Variants in SCRIB observed in about 807,000 individuals in gnomAD.
SCRIB encodes the protein protein scribble homolog.
Under a neutral mutation model 170.0 loss-of-function variants are expected in SCRIB, and 72 were observed. That is an observed-to-expected ratio of 0.42 (90% confidence interval 0.35 to 0.52). SCRIB has a LOEUF of 0.52. Among genes scored for constraint, SCRIB ranks in the 20% least tolerant of loss-of-function variants. The pLI, the probability that SCRIB is intolerant of heterozygous loss-of-function variation, is 0.02. For synonymous variants in SCRIB, 1,298 were observed against 1,044.3 expected (o/e 1.24, Z -4.68); for missense variants, 2,475 against 2,338.5 (o/e 1.06, Z -1.20).
At chr8:143,806,351 C>T in intron 18 of SCRIB, 56 bp downstream of exon 18, 1 of 1,371,558 alleles carries the variant, frequency 7.3e-7, no homozygotes. Context: ...ATACCAGGGA[C>T]CATGTACCTC....
chr8:143,803,783 G>A lies in SCRIB; in HGVS notation c.3278C>T (p.Pro1093Leu), dbSNP rs782745606. Residue 1093 changes from proline (P) to leucine (L), a missense_variant, in exon 23 of 37, where the codon CCG (proline) becomes CTG (leucine). Physicochemically the swap from Pro to Leu is moderately conservative, Grantham distance 98. This residue lies in a region of SCRIB where 1,966 missense variants were observed against 1,742.9 expected (regional missense o/e 1.13). Transcript: ENST00000356994. ...LELSLLVRRD[P>L]APPGLRELCI... is the part of the protein sequence containing the mutation. ...CAGTTCCCGTAGGCCCGGGGGTGCCGGGTCCCTCCGCACCAGCAGCGACAG... is the reference window on the plus strand; with the variant it reads ...CAGTTCCCGTAGGCCCGGGGGTGCCAGGTCCCTCCGCACCAGCAGCGACAG... The A allele has an allele frequency of 1.1e-5, 18 of 1,602,376 alleles. No individual in the cohort carries two copies. The highest frequency in any genetic ancestry group is 8.4e-5 in the Admixed American group (5 of 59,880).
At position 143,804,991 on chromosome 8, in the gene SCRIB, G is replaced by C. The variant is rs782361081; in HGVS notation, c.2694C>G (p.Ala898=). Residue 898 remains alanine, a synonymous_variant, in exon 20 of 37, where the codon GCC becomes GCG. Transcript: ENST00000356994. ...GDAGIFVSRI[A]EGGAAHRAGT... is the part of the protein sequence containing the mutation. The stretch of plus-strand genomic sequence containing the variant: ...CCGCGCGGTGAGCAGCACCGCCCTC[G>C]GCAATGCGGGAGACGAAGATGCCCT... The C allele has an allele frequency of 5.7e-6, 9 of 1,585,942 alleles. No homozygotes were observed. Among genetic ancestry groups the C allele is most frequent in the Non-Finnish European group, 7.7e-6 (9 of 1,170,076 alleles).
chr8:143,795,243 C>A, intron 26 of SCRIB, 34 bp downstream of exon 26: 1 of 1,611,772 alleles, frequency 6.2e-7, no homozygotes, highest in Non-Finnish European at 8.5e-7. Flanking sequence ...CGCTCCAGTG[C>A]CCTGATGTGA....
Position 143,810,917 on chromosome 8 carries a change from G to C in SCRIB, c.1262C>G (p.Pro421Arg). ...LTCYLLPQQP[P>R]PSLEDAGQQG... ...TGCCAACAACCTACCGAGGCTGGGT[G>C]GGGGCTGCTGGGGCAGCAAGTAGCA... The change falls in exon 11 of 37, where the codon CCA (proline) becomes CGA (arginine). Residue 421 changes from proline to arginine, a missense_variant. Around this residue, in one of 3 missense-constraint regions of SCRIB, gnomAD observed 1,966 missense variants for 1,742.9 expected, o/e 1.13. Coordinates refer to ENST00000356994, the MANE Select transcript of SCRIB (RefSeq NM_182706.5). 1.2e-6 allele frequency: 2 copies of C among 1,611,510 alleles called. No individual in the cohort carries two copies. The highest frequency in any genetic ancestry group is 1.3e-5 in the African/African-American group (1 of 75,060).
chr8:143,801,905 C>G lies in SCRIB; in HGVS notation c.3603+1478G>C, dbSNP rs569514928. Among the ~76,000 whole-genome samples, 3 of 152,280 alleles carry G rather than the reference C, an allele frequency of 2.0e-5. No homozygotes were observed. The South Asian group carries it at 6.2e-4, about 32-fold the overall frequency. ...CTATACCGACATGTCACGGCAGGCT[C>G]GTGGGGGACCCGGCCAGATGCAAGG... On this transcript the variant is annotated intron_variant, in intron 24 of 36. Transcript: ENST00000356994.
Position 143,793,051 on chromosome 8 carries a change from G to C in SCRIB, c.3942C>G (p.Pro1314=). 1 of 1,498,824 alleles carries C rather than the reference G, an allele frequency of 6.7e-7. No homozygotes were observed. Among genetic ancestry groups the C allele is most frequent in the Non-Finnish European group, 8.9e-7 (1 of 1,122,690 alleles). 92.8% of individuals were successfully genotyped at this position (1,498,824 alleles called of 1,614,324 possible). The change falls in exon 29 of 37, where the codon CCC becomes CCG. Residue 1314 remains proline (P), a synonymous_variant. Transcript: ENST00000356994. Reference sequence around the variant, plus strand: ...CCCTGTAGGCCTGCTTCACATTGGCGGGCAGCTCATCCGGAGAAGGCGGGG... The same window carrying C: ...CCCTGTAGGCCTGCTTCACATTGGCCGGCAGCTCATCCGGAGAAGGCGGGG... The part of the protein sequence containing the change: ...PPSPPSPDEL[P]ANVKQAYRAF...
Position 143,810,481 on chromosome 8 carries a change from C to T in SCRIB, c.1528G>A (p.Glu510Lys), listed in dbSNP as rs779038760. The stretch of plus-strand genomic sequence containing the variant: ...GGTTGCCGTGGCTCCATGCCCACCT[C>T]CTCTGCAGGCAAGGGCGACCCAGAG... ...PDSGSPLPAE[E>K]EKRLSAESGL... Residue 510 changes from glutamate (E) to lysine (K), a missense_variant and splice_region_variant, in exon 13 of 37, where the codon GAG becomes AAG. Glu to Lys is a moderately conservative substitution (Grantham distance 56). This residue lies in a region of SCRIB where 1,966 missense variants were observed against 1,742.9 expected (regional missense o/e 1.13). Transcript: ENST00000356994. 1.9e-5 allele frequency: 31 copies of T among 1,607,650 alleles called. 2 individuals carry two copies. In the South Asian group the frequency reaches 3.2e-4, roughly 17 times the overall value.
chr8:143,793,925 G>T lies in SCRIB; in HGVS notation c.3884C>A (p.Ser1295Tyr), dbSNP rs781836126. Reference protein sequence around the residue: ...SGAAGGKMAESPCSPSGQQPP... With the variant: ...SGAAGGKMAEYPCSPSGQQPP... ...CTGCTGGCCACTAGGGGAGCAGGGA[G>T]ATTCAGCCATCTTCCCTCCAGCTGC... The change falls in exon 28 of 37, where the codon TCT (serine) becomes TAT (tyrosine). Residue 1295 changes from serine to tyrosine, a missense_variant. Ser to Tyr is a moderately radical substitution (Grantham distance 144, BLOSUM62 -2). Transcript: ENST00000356994. The T allele has an allele frequency of 1.9e-6, 3 of 1,613,468 alleles. No individual in the cohort carries two copies. Among genetic ancestry groups the T allele is most frequent in the Non-Finnish European group, 2.5e-6 (3 of 1,179,754 alleles).
intron 15 of SCRIB, 127 bp downstream of exon 15, chr8:143,808,482 T>C: frequency 8.7e-7 from 1 of 1,153,704 alleles, no homozygotes; most frequent in Non-Finnish European, 1.2e-6. Flanking sequence ...GGAGCACACG[T>C]GTCCACCACC....
In SCRIB at chr8:143,791,971, AC is replaced by A. The variant is rs1283957562; in HGVS notation, c.4657+19del. 1 of 1,476,972 alleles carries A rather than the reference AC, an allele frequency of 6.8e-7. No homozygotes were observed. Among genetic ancestry groups the A allele is most frequent in the Non-Finnish European group, 9.0e-7 (1 of 1,112,984 alleles). 91.5% of individuals were successfully genotyped at this position (1,476,972 alleles called of 1,614,324 possible). ...CCCATGCGGCAGGCTGACCCCCCCGACCTGCCCTGACCCACAGACCTTCCAC... is the reference window on the plus strand; with the variant it reads ...CCCATGCGGCAGGCTGACCCCCCCGACTGCCCTGACCCACAGACCTTCCAC... On this transcript the variant is annotated intron_variant, in intron 33 of 36. Coordinates refer to ENST00000356994, the MANE Select transcript of SCRIB (RefSeq NM_182706.5).
chr8:143,814,236 C>T, intron 1 of SCRIB, 118 bp from the exon 2 acceptor site: 3 of 831,786 alleles, frequency 3.6e-6, no homozygotes, highest in Non-Finnish European at 5.7e-6. Context: ...CTCCAGGTCA[C>T]ACCGGGTCCT....
Position 143,803,946 on chromosome 8 carries a change from A to G in SCRIB, c.3121-6T>C. 2 of 1,575,524 alleles carry G rather than the reference A, an allele frequency of 1.3e-6. No homozygotes were observed. Among genetic ancestry groups the G allele is most frequent in the Non-Finnish European group, 8.6e-7 (1 of 1,159,130 alleles). Reference sequence around the variant, plus strand: ...GCCAGGCCCCGCGGGAGCACCTGTCAGGGAGGAGGGTGGCAGCTGGTGGCT... The same window carrying G: ...GCCAGGCCCCGCGGGAGCACCTGTCGGGGAGGAGGGTGGCAGCTGGTGGCT... On this transcript the variant is annotated splice_polypyrimidine_tract_variant and splice_region_variant and intron_variant, in intron 22 of 36. Coordinates refer to ENST00000356994, the MANE Select transcript of SCRIB (RefSeq NM_182706.5).
chr8:143,803,581 G>A lies in SCRIB; in HGVS notation c.3415-10C>T, dbSNP rs1554635474. ...CCCCCGTGGGGCTCACCTGTGGGGA[G>A]ACGTGGTATGGGAGAGACCTGTTGG... On this transcript the variant is annotated splice_polypyrimidine_tract_variant and intron_variant, in intron 23 of 36. Coordinates refer to ENST00000356994, the MANE Select transcript of SCRIB (RefSeq NM_182706.5). 1.9e-6 allele frequency: 3 copies of A among 1,593,228 alleles called. No individual in the cohort carries two copies. Among genetic ancestry groups the A allele is most frequent in the African/African-American group, 2.7e-5 (2 of 74,374 alleles).
At chr8:143,812,081 G>A (rs887338087) in intron 9 of SCRIB, among the ~76,000 whole-genome samples, 185 bp downstream of exon 9, 1 of 152,144 alleles carries the variant, frequency 6.6e-6, no homozygotes, top group African/African-American at 2.4e-5. Context: ...CCCCTGCCCT[G>A]GCCTCACTGC....
rs782072832 is a variant in SCRIB at position 143,793,541 on chromosome 8, T to A, written c.3909+359A>T. 12 of 310,012 alleles carry A rather than the reference T, an allele frequency of 3.9e-5. 1 individual carries two copies. The highest frequency in any genetic ancestry group is 6.6e-5 in the Non-Finnish European group (11 of 167,886). 19.2% of individuals were successfully genotyped at this position (310,012 alleles called of 1,614,324 possible). The stretch of plus-strand genomic sequence containing the variant: ...TGCCACCTCCACCCCCACGTGGCAG[T>A]GTGTTGGGAGGTGCCAACAGTGGGG... On this transcript the variant is annotated intron_variant, in intron 28 of 36. Transcript: ENST00000356994.
Position 143,803,977 on chromosome 8 carries a change from C to T in SCRIB, c.3121-37G>A, listed in dbSNP as rs377365371. On this transcript the variant is annotated intron_variant, in intron 22 of 36. Coordinates refer to ENST00000356994, the MANE Select transcript of SCRIB (RefSeq NM_182706.5). ...GAGGGTGGCAGCTGGTGGCTGAGGC[C>T]GCGCTGACCTGCGCTGGTACCTGGG... 99 of 1,572,354 alleles carry T rather than the reference C, an allele frequency of 6.3e-5. No individual in the cohort carries two copies. In the African/African-American group the frequency reaches 8.3e-4, roughly 13 times the overall value.
chr8:143,801,290 G>A (rs782397737), intron 24 of SCRIB, among the ~76,000 whole-genome samples: 4 of 152,190 alleles, frequency 2.6e-5, no homozygotes, highest in Non-Finnish European at 5.9e-5. Flanking sequence ...GGCGGAGGCT[G>A]CAGTGAGCTG....
At position 143,804,760 on chromosome 8, in the gene SCRIB, G is replaced by A. The variant is rs1359126181; in HGVS notation, c.2817C>T (p.Ser939=). The A allele has an allele frequency of 1.9e-6, 3 of 1,604,380 alleles. No individual in the cohort carries two copies. The highest frequency in any genetic ancestry group is 1.3e-5 in the African/African-American group (1 of 74,856). The change falls in exon 21 of 37, where the codon TCC becomes TCT. Residue 939 remains serine, a synonymous_variant. Transcript: ENST00000356994. The part of the protein sequence containing the change: ...DHAVSLLTAA[S]PTIALLLERE... ...GCTCCAACAGCAGGGCGATGGTGGG[G>A]GAGGCAGCGGTCAGCAGGGAGACGG...
rs566618872 is a variant in SCRIB at position 143,806,571 on chromosome 8, C to G, written c.2269-87G>C. The G allele has an allele frequency of 5.2e-5, 57 of 1,097,596 alleles. No homozygotes were observed. In the African/African-American group the frequency reaches 6.5e-4, roughly 12 times the overall value. 68.0% of individuals were successfully genotyped at this position (1,097,596 alleles called of 1,614,324 possible). On this transcript the variant is annotated intron_variant, in intron 17 of 36. Coordinates refer to ENST00000356994, the MANE Select transcript of SCRIB (RefSeq NM_182706.5). ...TGCAGAAGACCCAGGAGGGGAAGACCCACTCCCAGCAGCCCCTAGCCCTGG... is the reference window on the plus strand; with the variant it reads ...TGCAGAAGACCCAGGAGGGGAAGACGCACTCCCAGCAGCCCCTAGCCCTGG...
Sources: gnomAD v4.1 joint callset for allele counts (sites outside exome capture counted in the v4.1 genomes callset) on GRCh38, gnomAD v4.1.1 for gene constraint, gnomAD v4.1.1 regional missense constraint, MANE v1.5 for transcripts, NCBI Gene and HGNC (gene_info 2026-07-23, HGNC 2026-07-21) for gene names.